Variants in TENM4 observed in about 807,000 individuals in gnomAD.
TENM4 encodes teneurin transmembrane protein 4.
Under a neutral mutation model 243.3 loss-of-function variants are expected in TENM4, and 82 were observed. That is an observed-to-expected ratio of 0.34 (90% CI 0.28 to 0.40). The LOEUF (loss-of-function observed/expected upper bound fraction) is 0.40, where lower values mean the gene tolerates loss of function less well. Ranked by LOEUF, TENM4 falls within the 10% of genes least tolerant of loss-of-function variation. TENM4 has a pLI of 1.00. For synonymous variants in TENM4, 1,412 were observed against 1,456.3 expected (o/e 0.97, Z 0.69); for missense variants, 3,138 against 3,673.3 (o/e 0.85, Z 3.77).
intron 6 of TENM4, among the ~76,000 whole-genome samples, chr11:78,941,203 T>C (rs1038388833): frequency 1.3e-5 from 2 of 152,214 alleles, no homozygotes; most frequent in African/African-American, 4.8e-5. Context: ...ATGATCTCTC[T>C]GAGCCTCGGT....
intron 9 of TENM4, among the ~76,000 whole-genome samples, chr11:78,865,920 T>C (rs1231777601): frequency 1.3e-5 from 2 of 152,242 alleles, no homozygotes; most frequent in Non-Finnish European, 2.9e-5. Flanking sequence ...AGGTAATACA[T>C]GGTAAAATGC....
intron 6 of TENM4, among the ~76,000 whole-genome samples, chr11:79,048,844 A>G (rs1165478117): frequency 1.3e-5 from 2 of 152,092 alleles, no homozygotes; most frequent in Admixed American, 6.5e-5. Flanking sequence ...ATGTTACAGG[A>G]TGGGCAGGGG....
At chr11:78,999,742 A>G (rs1478740325) in intron 6 of TENM4, among the ~76,000 whole-genome samples, 1 of 152,178 alleles carries the variant, frequency 6.6e-6, no homozygotes, top group African/African-American at 2.4e-5. Context: ...ATAGAAACTG[A>G]CTGAGAGTGG....
Position 78,722,925 on chromosome 11 carries a change from A to G in TENM4, c.3551-8T>C. 2.5e-6 allele frequency: 4 copies of G among 1,612,476 alleles called. No homozygotes were observed. Among genetic ancestry groups the G allele is most frequent in the Non-Finnish European group, 3.4e-6 (4 of 1,178,516 alleles). On this transcript the variant is annotated splice_region_variant and splice_polypyrimidine_tract_variant and intron_variant, in intron 23 of 33. Transcript: ENST00000278550. ...TCCCTTTGTGCAGGATGCCTGGGAC[A>G]AGGAAAGAACAGAATTGCCTGTGGA...
At position 78,702,423 on chromosome 11, in the gene TENM4, T is replaced by C. The variant is rs1184403936; in HGVS notation, c.4210-20A>G. 2 of 1,596,908 alleles carry C rather than the reference T, an allele frequency of 1.3e-6. No individual in the cohort carries two copies. Among genetic ancestry groups the C allele is most frequent in the East Asian group, 2.2e-5 (1 of 44,738 alleles). ...GTGAACCTGACAATGAAGACACCGA[T>C]ACTCAAATGACTGGCAAGATGCCCA... On this transcript the variant is annotated intron_variant, in intron 27 of 33. Transcript: ENST00000278550.
intron 4 of TENM4, among the ~76,000 whole-genome samples, chr11:79,083,972 T>C (rs1465384040): frequency 6.6e-6 from 1 of 152,150 alleles, no homozygotes; most frequent in Non-Finnish European, 1.5e-5. Flanking sequence ...TATATATGTG[T>C]GTGTGTGTGT....
intron 3 of TENM4, among the ~76,000 whole-genome samples, chr11:79,165,037 A>T (rs1272277136): frequency 6.6e-6 from 1 of 150,504 alleles, no homozygotes; most frequent in Non-Finnish European, 1.5e-5. Flanking sequence ...TTATCCACTC[A>T]TTGACTGATG....
chr11:78,994,525 G>C (rs1858123790), intron 6 of TENM4, among the ~76,000 whole-genome samples: 1 of 152,196 alleles, frequency 6.6e-6, no homozygotes, highest in Non-Finnish European at 1.5e-5. Context: ...AACTTGTGTA[G>C]TTTTCTACCT....
chr11:79,298,792 T>TA (rs1856502457), intron 1 of TENM4, among the ~76,000 whole-genome samples: 1 of 152,228 alleles, frequency 6.6e-6, no homozygotes, highest in South Asian at 2.1e-4. Context: ...GTAATTTTGG[T>TA]ACCCCATTCA....
At position 78,956,199 on chromosome 11, in the gene TENM4, C is replaced by T. The variant is rs187314729; in HGVS notation, c.494-52676G>A. On this transcript the variant is annotated intron_variant, in intron 6 of 33. Transcript: ENST00000278550. ...CACATACACAGGGCACTGTGCTCAG[C>T]CCTGGAGATAGTGTACACAAGGCCT... is the stretch of plus-strand genomic sequence containing the variant. Among the ~76,000 whole-genome samples, 17 of 152,180 alleles carry T rather than the reference C, an allele frequency of 1.1e-4. 1 individual carries two copies. Among genetic ancestry groups the T allele is most frequent in the Admixed American group, 1.0e-3 (16 of 15,284 alleles).
intron 2 of TENM4, among the ~76,000 whole-genome samples, chr11:79,280,267 T>G (rs1337032622): frequency 6.6e-6 from 1 of 152,236 alleles, no homozygotes; most frequent in Non-Finnish European, 1.5e-5. Context: ...CAGAGTTCAC[T>G]GCAGCCTCCA....
At chr11:79,277,274 G>A (rs909110636) in intron 2 of TENM4, among the ~76,000 whole-genome samples, 1 of 152,202 alleles carries the variant, frequency 6.6e-6, no homozygotes, top group Non-Finnish European at 1.5e-5. Context: ...CTGGTTAATT[G>A]AATTTGTCAG....
chr11:79,214,452 C>G (rs1274864940), intron 3 of TENM4, among the ~76,000 whole-genome samples: 1 of 152,192 alleles, frequency 6.6e-6, no homozygotes, highest in Non-Finnish European at 1.5e-5. Flanking sequence ...TAGTGCTGCA[C>G]TCATGGTAAA....
At chr11:79,325,604 A>T (rs1856961177) in intron 1 of TENM4, among the ~76,000 whole-genome samples, 1 of 152,204 alleles carries the variant, frequency 6.6e-6, no homozygotes, top group African/African-American at 2.4e-5. Flanking sequence ...GTTAACTGAG[A>T]TCAGGCTACC....
chr11:79,434,406 G>A (rs1343169853), intron 1 of TENM4, among the ~76,000 whole-genome samples: 1 of 151,912 alleles, frequency 6.6e-6, no homozygotes, highest in African/African-American at 2.4e-5. Flanking sequence ...AAGGTGGGAG[G>A]GGGAAATCCA....
At chr11:79,092,508 G>A (rs994938374) in intron 4 of TENM4, among the ~76,000 whole-genome samples, 1 of 152,194 alleles carries the variant, frequency 6.6e-6, no homozygotes, top group African/African-American at 2.4e-5. Context: ...GACCTTCTAA[G>A]TGTGGCCTCT....
chr11:79,204,429 G>C (rs189727262), intron 3 of TENM4, among the ~76,000 whole-genome samples: 2 of 152,108 alleles, frequency 1.3e-5, no homozygotes, highest in Non-Finnish European at 1.5e-5. Flanking sequence ...CTATGGCCTG[G>C]GCACCTATCT....
intron 4 of TENM4, among the ~76,000 whole-genome samples, chr11:79,139,776 T>C (rs11819871): frequency 1.9e-4 from 1 of 5,250 alleles, no homozygotes; most frequent in Non-Finnish European, 3.4e-4. Flanking sequence ...TATAAATATA[T>C]AATATATATT....
chr11:79,393,580 T>C (rs887121489), intron 1 of TENM4, among the ~76,000 whole-genome samples: 1 of 152,158 alleles, frequency 6.6e-6, no homozygotes, highest in Non-Finnish European at 1.5e-5. Flanking sequence ...AGCTCCTTTA[T>C]TTTAACAATG....
Sources: allele counts gnomAD v4.1 joint callset (sites outside exome capture counted in the v4.1 genomes callset), GRCh38; gene constraint gnomAD v4.1.1; transcripts MANE v1.5; gene names NCBI Gene and HGNC (gene_info 2026-07-23, HGNC 2026-07-21).